The following ACAD10 variants were observed in gnomAD, a reference collection of about 807,000 sequenced individuals.
ACAD10 encodes acyl-CoA dehydrogenase family member 10, also known as ACAD-10.
ACAD10 carries 112 observed loss-of-function variants against 116.8 expected under a neutral mutation model. The ratio of observed to expected loss-of-function variants is 0.96; its 90% CI spans 0.82 to 1.12. The LOEUF is 1.12. ACAD10 is among the 50% of genes most tolerant of loss of function. The pLI is 0.00. For missense variants in ACAD10, 1,259 were observed against 1,350.2 expected (o/e 0.93, Z 1.06); for synonymous variants, 486 against 510.6 (o/e 0.95, Z 0.65).
At chr12:111,705,420 A>G (rs1173064591) in intron 3 of ACAD10, among the ~76,000 whole-genome samples, 1 of 151,944 alleles carries the variant, frequency 6.6e-6, no homozygotes, top group Admixed American at 6.6e-5. Flanking sequence ...TTTAGATCTC[A>G]CTTTGTTGCC....
At chr12:111,712,405 T>C in intron 5 of ACAD10, 93 bp from the exon 6 acceptor site, 1 of 1,186,052 alleles carries the variant, frequency 8.4e-7, no homozygotes, top group Non-Finnish European at 1.2e-6. Context: ...AAATTAAAAA[T>C]ATATACGTGT....
At chr12:111,744,582 G>T in intron 12 of ACAD10, 61 bp from the exon 13 acceptor site, 1 of 1,554,990 alleles carries the variant, frequency 6.4e-7, no homozygotes. Flanking sequence ...GTCATCACAT[G>T]TTAACATCCC....
At chr12:111,710,651 T>A (rs1160921213) in intron 5 of ACAD10, among the ~76,000 whole-genome samples, 4 of 151,744 alleles carry the variant, frequency 2.6e-5, no homozygotes, top group Non-Finnish European at 5.9e-5. Flanking sequence ...CACGCCACCA[T>A]GCCCGGTTAA....
intron 17 of ACAD10, chr12:111,748,684 C>A: frequency 1.5e-6 from 1 of 654,696 alleles, no homozygotes; most frequent in Non-Finnish European, 2.5e-6. Flanking sequence ...GATTTTTTTC[C>A]CTCTTCTAAA....
rs73420467 is a variant in ACAD10 at position 111,747,249 on chromosome 12, C to T, written c.2395-46C>T. 4,474 of 1,613,184 alleles carry T rather than the reference C, an allele frequency of 2.8e-3. 104 individuals carry two copies. The African/African-American group carries it at 0.05, about 18-fold the overall frequency. On this transcript the variant is annotated intron_variant, in intron 15 of 20. Coordinates refer to ENST00000313698, the MANE Select transcript of ACAD10 (RefSeq NM_025247.6). The stretch of plus-strand genomic sequence containing the variant: ...GTTGTTGTCGGCCCCACAGGGAACA[C>T]GGGCTGTCTGCTGGCGTCTCTGACT...
At chr12:111,689,469 T>G (rs1887976421) in intron 1 of ACAD10, among the ~76,000 whole-genome samples, 1 of 151,878 alleles carries the variant, frequency 6.6e-6, no homozygotes, top group Admixed American at 6.6e-5. Flanking sequence ...CTTCCCTGGT[T>G]CAAGTGATTC....
intron 4 of ACAD10, among the ~76,000 whole-genome samples, chr12:111,708,762 C>T (rs574587797): frequency 3.8e-4 from 58 of 152,082 alleles, no homozygotes; most frequent in Admixed American, 8.5e-4. Context: ...GCCCTGGGGA[C>T]ACTGTAAAAG....
intron 10 of ACAD10, 130 bp from the exon 11 acceptor site, chr12:111,733,793 G>A: frequency 3.6e-6 from 4 of 1,124,376 alleles, no homozygotes; most frequent in Middle Eastern, 5.7e-4. Flanking sequence ...AGCCCAGGGA[G>A]CTCAGGCACC....
intron 1 of ACAD10, among the ~76,000 whole-genome samples, chr12:111,689,367 GT>G (rs1189823834): frequency 6.6e-6 from 1 of 151,512 alleles, no homozygotes; most frequent in Non-Finnish European, 1.5e-5. Flanking sequence ...ATTTTTGTTG[GT>G]TTTTGTTTGT....
intron 14 of ACAD10, among the ~76,000 whole-genome samples, chr12:111,746,648 A>C (rs1889907128): frequency 6.6e-6 from 1 of 152,082 alleles, no homozygotes; most frequent in African/African-American, 2.4e-5. Context: ...CTGGCCCCAC[A>C]AAGTGCTGGG....
intron 1 of ACAD10, 34 bp from the exon 2 acceptor site, chr12:111,692,663 G>A (rs202060286): frequency 8.8e-6 from 14 of 1,585,514 alleles, no homozygotes; most frequent in Non-Finnish European, 1.2e-5. Flanking sequence ...AGGCAGTGCA[G>A]GCAAGTAACG....
Position 111,744,845 on chromosome 12 carries a change from T to A in ACAD10, c.1917T>A (p.Val639=). The A allele has an allele frequency of 6.2e-7, 1 of 1,614,212 alleles. No individual in the cohort carries two copies. The highest frequency in any genetic ancestry group is 8.5e-7 in the Non-Finnish European group (1 of 1,180,032). Residue 639 remains valine (V), a synonymous_variant, in exon 13 of 21, where the codon GTT becomes GTA. Coordinates refer to ENST00000313698, the MANE Select transcript of ACAD10 (RefSeq NM_025247.6). The part of the protein sequence containing the change: ...CPTGSRSYSS[V]PEASPAHTSR... ...CAGGCAGCAGGAGTTATAGCTCCGTTCCAGAAGCTTCCCCAGCTCATACCT... is the reference window on the plus strand; with the variant it reads ...CAGGCAGCAGGAGTTATAGCTCCGTACCAGAAGCTTCCCCAGCTCATACCT...
rs745362717 is a variant in ACAD10, at chr12:111,687,897, TCTCA to T, written c.-14+1662_-14+1665del. ...TTTTTTTTTGTATTTTGAGACGGAG[TCTCA>T]CTCTGTCGCCCAGGCTGGAGTGCAG... On this transcript the variant is annotated intron_variant, in intron 1 of 20. Transcript: ENST00000313698. Among the ~76,000 whole-genome samples the T allele has an allele frequency of 2.7e-4, 40 of 150,822 alleles. No individual in the cohort carries two copies. The South Asian group carries it at 2.7e-3, about 10-fold the overall frequency.
At chr12:111,755,887 C>A in intron 20 of ACAD10, 142 bp downstream of exon 20, 1 of 889,780 alleles carries the variant, frequency 1.1e-6, no homozygotes, top group Non-Finnish European at 1.8e-6. Context: ...TTTCCTTTTC[C>A]TCTTCAGAAT....
At position 111,756,383 on chromosome 12, in the gene ACAD10, C is replaced by T. The variant is rs1469539392; in HGVS notation, c.3090C>T (p.Phe1030=). 2 of 1,611,720 alleles carry T rather than the reference C, an allele frequency of 1.2e-6. No individual in the cohort carries two copies. Among genetic ancestry groups the T allele is most frequent in the African/African-American group, 1.3e-5 (1 of 74,930 alleles). ...GCGACTACCCACTGGCTCAGTTCTTCACCTGGGCCCGAGCCCTGCGCTTTG... is the reference window on the plus strand; with the variant it reads ...GCGACTACCCACTGGCTCAGTTCTTTACCTGGGCCCGAGCCCTGCGCTTTG... ...LSSDYPLAQF[F]TWARALRFAD... Residue 1030 remains phenylalanine, a synonymous_variant, in exon 21 of 21, where the codon TTC becomes TTT. Transcript: ENST00000313698.
At chr12:111,706,462 T>C (rs1274760354) in intron 4 of ACAD10, among the ~76,000 whole-genome samples, 1 of 152,156 alleles carries the variant, frequency 6.6e-6, no homozygotes, top group African/African-American at 2.4e-5. Flanking sequence ...TTTATTTTTT[T>C]ATTTTGAGAT....
At chr12:111,702,372 C>T in intron 3 of ACAD10, 62 bp downstream of exon 3, 3 of 1,569,054 alleles carry the variant, frequency 1.9e-6, no homozygotes, top group Non-Finnish European at 2.6e-6. Flanking sequence ...GTGGTTGCAA[C>T]ATTCATGTAT....
At chr12:111,722,102 C>T (rs996251639) in intron 8 of ACAD10, 2 of 156,786 alleles carry the variant, frequency 1.3e-5, no homozygotes, top group African/African-American at 4.9e-5. Flanking sequence ...CATTCTGTCA[C>T]CCAGACTGGA....
At chr12:111,723,038 C>G (rs1100130) in intron 8 of ACAD10, among the ~76,000 whole-genome samples, 1 of 139,180 alleles carries the variant, frequency 7.2e-6, no homozygotes, top group Admixed American at 6.9e-5. Flanking sequence ...ACCTCCCTCC[C>G]GGACGGGGCG....
Sources: gnomAD v4.1 joint callset for allele counts (sites outside exome capture counted in the v4.1 genomes callset) on GRCh38, gnomAD v4.1.1 for gene constraint, MANE v1.5 for transcripts, NCBI Gene and HGNC (gene_info 2026-07-23, HGNC 2026-07-21) for gene names.